Variants in TTC32 observed in about 807,000 individuals in gnomAD.
The protein encoded by TTC32 is tetratricopeptide repeat protein 32.
Under a neutral mutation model 15.3 loss-of-function variants are expected in TTC32, and 16 were observed. That is an observed-to-expected ratio of 1.05 (90% confidence interval 0.71 to 1.59). TTC32 has a LOEUF of 1.59. TTC32 is among the 40% of genes most tolerant of loss of function. The pLI is 0.00. For missense variants in TTC32, 188 were observed against 181.9 expected, an observed-to-expected ratio of 1.03 and a Z score of -0.19; for synonymous variants, 89 against 67.8, an observed-to-expected ratio of 1.31 and a Z score of -1.53.
At chr2:19,898,291 C>A in intron 1 of TTC32, 1 of 330,798 alleles carries the variant, frequency 3.0e-6, no homozygotes, top group Non-Finnish European at 5.5e-6. Context: ...GTGTTCACTG[C>A]CAATTTGTTC....
In TTC32 at chr2:19,897,888, C is replaced by T. The variant is rs756104630; in HGVS notation, c.297G>A (p.Gly99=). 6.2e-7 allele frequency: 1 copy of T among 1,608,954 alleles called. No homozygotes were observed. Among genetic ancestry groups the T allele is most frequent in the Admixed American group, 1.7e-5 (1 of 59,714 alleles). ...TCTTACCCAGCCTATACAGTATCAA[C>T]CCTCTGTTGTAATATGGAACTTCAA... ...PNFEVPYYNR[G]LILYRLGYFD... Residue 99 remains glycine, a synonymous_variant, in exon 2 of 3, where the codon GGG becomes GGA. Transcript: ENST00000333610.
intron 1 of TTC32, among the ~76,000 whole-genome samples, chr2:19,900,459 A>G (rs533038784): frequency 3.9e-5 from 6 of 152,350 alleles, no homozygotes; most frequent in Non-Finnish European, 8.8e-5. Context: ...TGTTTAGTTA[A>G]GCCTCATACA....
rs760043489 is a variant in TTC32, at chr2:19,900,797, C to T, written c.149+909G>A. On this transcript the variant is annotated intron_variant, in intron 1 of 2. Coordinates refer to ENST00000333610, the MANE Select transcript of TTC32 (RefSeq NM_001008237.3). ...CTTGCCATGATATTGAATCTGAATT[C>T]AATTGGATCAAACCTCAAGGTTTAA... 2.6e-5 allele frequency among the ~76,000 whole-genome samples: 4 copies of T among 152,350 alleles called. No homozygotes were observed. In the South Asian group the frequency reaches 8.3e-4, roughly 32 times the overall value.
intron 1 of TTC32, chr2:19,901,416 G>A (rs1450630484): frequency 2.8e-5 from 11 of 394,886 alleles, no homozygotes; most frequent in African/African-American, 1.9e-4. Context: ...CGGGGTGAGA[G>A]GCGGCGGCCC....
chr2:19,897,343 G>T (rs1669525782), intron 2 of TTC32, among the ~76,000 whole-genome samples: 1 of 151,840 alleles, frequency 6.6e-6, no homozygotes, highest in African/African-American at 2.4e-5. Flanking sequence ...ATTAGCTATG[G>T]GTTTATTTAT....
intron 1 of TTC32, among the ~76,000 whole-genome samples, chr2:19,898,995 A>G (rs1669555982): frequency 6.6e-6 from 1 of 152,250 alleles, no homozygotes; most frequent in South Asian, 2.1e-4. Flanking sequence ...CGTAGTAAAA[A>G]GTATAGTCCT....
chr2:19,901,607 G>A, intron 1 of TTC32, 99 bp downstream of exon 1: 4 of 1,479,882 alleles, frequency 2.7e-6, no homozygotes, highest in Non-Finnish European at 3.6e-6. Flanking sequence ...GTTATGACAA[G>A]CGCCGACCGT....
intron 1 of TTC32, chr2:19,901,401 GA>G (rs1335863016): frequency 1.1e-5 from 4 of 369,252 alleles, no homozygotes; most frequent in Non-Finnish European, 2.0e-5. Context: ...TGGAAGGAGA[GA>G]CGGCGGGGTG....
At chr2:19,897,173 TTC>T (rs1669523874) in intron 2 of TTC32, 47 bp from the exon 3 acceptor site, 4 of 1,552,364 alleles carry the variant, frequency 2.6e-6, no homozygotes, top group Non-Finnish European at 3.5e-6. Flanking sequence ...AACCGAGTAT[TTC>T]TATATATTAT....
intron 1 of TTC32, among the ~76,000 whole-genome samples, chr2:19,899,740 T>C (rs554392867): frequency 2.0e-5 from 3 of 151,216 alleles, no homozygotes; most frequent in East Asian, 3.9e-4. Context: ...TGTATATATA[T>C]ACACACACAC....
intron 1 of TTC32, among the ~76,000 whole-genome samples, chr2:19,899,613 C>T (rs141537454): frequency 6.6e-6 from 1 of 150,958 alleles, no homozygotes; most frequent in African/African-American, 2.4e-5. Flanking sequence ...TAATGGAATT[C>T]ATTCAAGTTA....
At position 19,901,494 on chromosome 2, in the gene TTC32, C is replaced by T. The variant is rs554279289; in HGVS notation, c.149+212G>A. On this transcript the variant is annotated intron_variant, in intron 1 of 2. Coordinates refer to ENST00000333610, the MANE Select transcript of TTC32 (RefSeq NM_001008237.3). ...TCCGCACCGTCGCGGCAGCTGGCTC[C>T]TCACGGGTGGGCTTCTCCCCGCGTT... 3.6e-5 allele frequency: 22 copies of T among 610,740 alleles called. No individual in the cohort carries two copies. The Admixed American group carries it at 7.5e-4, about 21-fold the overall frequency. 37.8% of individuals were successfully genotyped at this position (610,740 alleles called of 1,614,324 possible).
At chr2:19,900,786 G>C (rs1669587171) in intron 1 of TTC32, among the ~76,000 whole-genome samples, 1 of 152,202 alleles carries the variant, frequency 6.6e-6, no homozygotes, top group Admixed American at 6.5e-5. Context: ...CCATGATATT[G>C]AATCTGAATT....
At chr2:19,900,149 G>A (rs1012675468) in intron 1 of TTC32, among the ~76,000 whole-genome samples, 2 of 152,172 alleles carry the variant, frequency 1.3e-5, no homozygotes, top group Admixed American at 6.5e-5. Context: ...TAGGCTGAGA[G>A]GTGCAAAGAA....
At chr2:19,901,278 G>T (rs1669598546) in intron 1 of TTC32, 2 of 320,570 alleles carry the variant, frequency 6.2e-6, no homozygotes, top group Non-Finnish European at 1.2e-5. Context: ...GCGGTACTGT[G>T]GCCCTACGCA....
chr2:19,897,205 C>G, intron 2 of TTC32, 79 bp from the exon 3 acceptor site: 1 of 1,431,992 alleles, frequency 7.0e-7, no homozygotes. Context: ...AGCTTTGATA[C>G]ATGTACTTTT....
At chr2:19,897,368 T>C (rs1669525952) in intron 2 of TTC32, among the ~76,000 whole-genome samples, 1 of 152,178 alleles carries the variant, frequency 6.6e-6, no homozygotes, top group African/African-American at 2.4e-5. Context: ...ATTTAACAGG[T>C]AAATATTATC....
intron 1 of TTC32, among the ~76,000 whole-genome samples, chr2:19,899,244 G>C (rs1558311998): frequency 6.6e-6 from 1 of 152,102 alleles, no homozygotes; most frequent in Non-Finnish European, 1.5e-5. Flanking sequence ...ATGCCACTAA[G>C]CACCCCCGTT....
At chr2:19,900,944 G>T in intron 1 of TTC32, 1 of 347,860 alleles carries the variant, frequency 2.9e-6, no homozygotes, top group South Asian at 2.1e-5. Flanking sequence ...CAAATAAAGA[G>T]GGGAAGGTGG....
Sources: gnomAD v4.1 joint callset for allele counts (sites outside exome capture counted in the v4.1 genomes callset) on GRCh38, gnomAD v4.1.1 for gene constraint, MANE v1.5 for transcripts, NCBI Gene and HGNC (gene_info 2026-07-23, HGNC 2026-07-21) for gene names.